Variants in PCDH15 observed in about 807,000 individuals in gnomAD.
The protein encoded by PCDH15 is protocadherin related 15, also known as protocadherin-15.
PCDH15 carries 129 observed loss-of-function variants against 178.5 expected under a neutral mutation model. The observed-to-expected ratio is 0.72, with a 90% confidence interval of 0.63 to 0.84. PCDH15 has a LOEUF of 0.84. Among genes scored for constraint, PCDH15 ranks in the 40% least tolerant of loss-of-function variants. The probability of loss-of-function intolerance (pLI) is 0.00; values close to 1 mark genes in which losing one functional copy is unlikely to be tolerated. For missense variants in PCDH15, 2,230 were observed against 2,099.9 expected (o/e 1.06, Z -1.21); for synonymous variants, 800 against 732.0 (o/e 1.09, Z -1.50).
At chr10:55,442,165 C>T (rs1018420080) in intron 2 of PCDH15, among the ~76,000 whole-genome samples, 5 of 151,436 alleles carry the variant, frequency 3.3e-5, no homozygotes, top group African/African-American at 4.9e-5. Flanking sequence ...CCTAACCCTG[C>T]GAAAAGTGGA....
intron 8 of PCDH15, among the ~76,000 whole-genome samples, chr10:54,279,968 A>G (rs1335826426): frequency 6.6e-6 from 1 of 151,700 alleles, no homozygotes; most frequent in Admixed American, 6.6e-5. Context: ...GGCATGGCAG[A>G]AAGACATGTC....
intron 1 of PCDH15, among the ~76,000 whole-genome samples, chr10:54,664,686 G>C (rs954420067): frequency 2.0e-5 from 3 of 151,920 alleles, no homozygotes; most frequent in Non-Finnish European, 4.4e-5. Flanking sequence ...CCAGTTGTTA[G>C]TATCCTACAT....
intron 15 of PCDH15, among the ~76,000 whole-genome samples, chr10:54,104,845 C>CAAA (rs56195842): frequency 1.7e-3 from 84 of 48,616 alleles, no homozygotes; most frequent in African/African-American, 3.6e-3. Context: ...TCAACAACAA[C>CAAA]AAAAAAAAAA....
At chr10:54,523,823 C>T (rs16906239) in intron 3 of PCDH15, among the ~76,000 whole-genome samples, 2,972 of 152,108 alleles carry the variant, frequency 0.02, 107 homozygotes, top group African/African-American at 0.067. Flanking sequence ...AACACAAATC[C>T]GAAGTCTAAC....
At chr10:54,164,713 A>G (rs945332457) in intron 13 of PCDH15, among the ~76,000 whole-genome samples, 3 of 152,216 alleles carry the variant, frequency 2.0e-5, no homozygotes, top group Admixed American at 6.5e-5. Flanking sequence ...ACTAGATATT[A>G]TAGAAGTTAG....
At chr10:53,896,044 T>C (rs1182552938) in intron 26 of PCDH15, among the ~76,000 whole-genome samples, 1 of 152,186 alleles carries the variant, frequency 6.6e-6, no homozygotes, top group Non-Finnish European at 1.5e-5. Context: ...CAATAAGAAA[T>C]AATTGCATCT....
At chr10:54,478,468 A>G (rs2078444453) in intron 3 of PCDH15, among the ~76,000 whole-genome samples, 1 of 152,122 alleles carries the variant, frequency 6.6e-6, no homozygotes, top group Admixed American at 6.6e-5. Flanking sequence ...AAAAGTTACT[A>G]TGTATTGCCA....
chr10:54,811,146 T>C (rs7907302), intron 3 of PCDH15, among the ~76,000 whole-genome samples: 12,884 of 151,930 alleles, frequency 0.085, 621 homozygotes, highest in South Asian at 0.14. Flanking sequence ...TATATATATA[T>C]ATGTAAATAT....
chr10:55,486,650 A>C (rs559122670), intron 2 of PCDH15, among the ~76,000 whole-genome samples: 1 of 151,554 alleles, frequency 6.6e-6, no homozygotes, highest in African/African-American at 2.4e-5. Flanking sequence ...GTATAGGCTC[A>C]TAGTTTTGCT....
chr10:54,688,846 T>C (rs139946609), intron 1 of PCDH15, among the ~76,000 whole-genome samples: 139 of 152,252 alleles, frequency 9.1e-4, no homozygotes, highest in African/African-American at 3.1e-3. Flanking sequence ...TGTCTCTCCA[T>C]AGAATAAAGA....
intron 2 of PCDH15, among the ~76,000 whole-genome samples, chr10:55,587,355 T>A (rs1366910125): frequency 6.6e-6 from 1 of 152,114 alleles, no homozygotes; most frequent in African/African-American, 2.4e-5. Flanking sequence ...TATATAAGGC[T>A]TTTTAATTAT....
At chr10:54,201,038 T>G (rs1170486837) in intron 10 of PCDH15, among the ~76,000 whole-genome samples, 1 of 152,186 alleles carries the variant, frequency 6.6e-6, no homozygotes, top group East Asian at 1.9e-4. Context: ...CTGATTACCC[T>G]GCACGAACCT....
chr10:54,407,859 C>G (rs1288182033), intron 3 of PCDH15, among the ~76,000 whole-genome samples: 1 of 151,890 alleles, frequency 6.6e-6, no homozygotes, highest in African/African-American at 2.4e-5. Flanking sequence ...AGTTCCAGAC[C>G]AGCCTGGCCA....
At chr10:55,182,521 C>T (rs904296595) in intron 1 of PCDH15, among the ~76,000 whole-genome samples, 10 of 151,992 alleles carry the variant, frequency 6.6e-5, no homozygotes, top group Admixed American at 5.9e-4. Context: ...CTTTACCTAT[C>T]AGTCCTTACT....
intron 1 of PCDH15, among the ~76,000 whole-genome samples, chr10:54,699,231 A>T (rs2095275280): frequency 6.6e-6 from 1 of 152,150 alleles, no homozygotes; most frequent in African/African-American, 2.4e-5. Flanking sequence ...GAATTTTGTA[A>T]CATGATTTGA....
At chr10:55,466,173 A>C (rs1190820018) in intron 2 of PCDH15, among the ~76,000 whole-genome samples, 1 of 152,166 alleles carries the variant, frequency 6.6e-6, no homozygotes, top group Non-Finnish European at 1.5e-5. Flanking sequence ...AACTACAAAC[A>C]TGGATGAAGT....
chr10:55,401,441 A>G lies in PCDH15; in HGVS notation c.-156+226184T>C, dbSNP rs573075958. 3.3e-5 allele frequency among the ~76,000 whole-genome samples: 5 copies of G among 152,178 alleles called. 1 individual carries two copies. The South Asian group carries it at 1.0e-3, about 32-fold the overall frequency. ...TAAAGAAGAAAATGACAGAATATAT[A>G]GTGTTGTGATCCTGTCCACAGTACA... is the stretch of plus-strand genomic sequence containing the variant. On this transcript the variant is annotated intron_variant, in intron 2 of 5. Transcript: ENST00000613346.
chr10:54,897,839 T>C (rs10740602), intron 2 of PCDH15, among the ~76,000 whole-genome samples: 114,376 of 152,078 alleles, frequency 0.75, 43,419 homozygotes, highest in East Asian at 0.89. Flanking sequence ...GCATATTGTG[T>C]TTGGATTTGA....
At chr10:54,409,863 A>G (rs554280017) in intron 3 of PCDH15, among the ~76,000 whole-genome samples, 2 of 152,166 alleles carry the variant, frequency 1.3e-5, no homozygotes, top group Admixed American at 6.6e-5. Context: ...CCCTCTCACT[A>G]TGTGCTGCCC....
Sources: gnomAD v4.1 joint callset for allele counts (sites outside exome capture counted in the v4.1 genomes callset) on GRCh38, gnomAD v4.1.1 for gene constraint, MANE v1.5 for transcripts, NCBI Gene and HGNC (gene_info 2026-07-23, HGNC 2026-07-21) for gene names.